Variants in AUTS2 observed in about 807,000 individuals in gnomAD.
AUTS2 encodes the protein activator of transcription and developmental regulator AUTS2.
Under a neutral mutation model 112.4 loss-of-function variants are expected in AUTS2, and 17 were observed. That is an observed-to-expected ratio of 0.15 (90% CI 0.10 to 0.23). AUTS2 has a LOEUF of 0.23. AUTS2 is among the 10% of genes least tolerant of loss of function. AUTS2 has a pLI of 1.00. For missense variants in AUTS2, 1,510 were observed against 1,701.6 expected (o/e 0.89, Z 1.98); for synonymous variants, 751 against 702.7 (o/e 1.07, Z -1.09).
chr7:70,524,322 C>T (rs998483281), intron 5 of AUTS2, among the ~76,000 whole-genome samples: 3 of 152,150 alleles, frequency 2.0e-5, no homozygotes, highest in South Asian at 4.1e-4. Flanking sequence ...GGTCATTATT[C>T]CATGTGAAGA....
intron 2 of AUTS2, among the ~76,000 whole-genome samples, chr7:70,062,036 C>T (rs1802273364): frequency 6.6e-6 from 1 of 151,974 alleles, no homozygotes; most frequent in Admixed American, 6.6e-5. Flanking sequence ...GATCCACCCA[C>T]CTCGGCCTCC....
chr7:69,825,504 A>G (rs868702472), intron 1 of AUTS2, among the ~76,000 whole-genome samples: 1 of 151,994 alleles, frequency 6.6e-6, no homozygotes, highest in African/African-American at 2.4e-5. Context: ...GTTGTCTTCC[A>G]TTGCAGTGCT....
chr7:70,240,886 T>C (rs1812574810), intron 4 of AUTS2, among the ~76,000 whole-genome samples: 2 of 152,228 alleles, frequency 1.3e-5, no homozygotes, highest in Admixed American at 1.3e-4. Flanking sequence ...AATCAAATCT[T>C]ATGCTTAGAA....
intron 5 of AUTS2, among the ~76,000 whole-genome samples, chr7:70,585,240 C>A (rs62455833): frequency 0.23 from 34,483 of 152,068 alleles, 4,235 homozygotes; most frequent in Middle Eastern, 0.34. Context: ...CCCTGCCCTG[C>A]TGTGGAAACA....
At chr7:70,556,659 G>T (rs1200713492) in intron 5 of AUTS2, among the ~76,000 whole-genome samples, 3 of 152,082 alleles carry the variant, frequency 2.0e-5, no homozygotes, top group Non-Finnish European at 4.4e-5. Context: ...TGAGACTTCT[G>T]TCCTTGGATC....
At chr7:70,360,476 C>A (rs778832733) in intron 4 of AUTS2, among the ~76,000 whole-genome samples, 1 of 152,080 alleles carries the variant, frequency 6.6e-6, no homozygotes, top group Non-Finnish European at 1.5e-5. Context: ...TGTTAGTCAG[C>A]TTTTTTCATT....
intron 1 of AUTS2, among the ~76,000 whole-genome samples, chr7:69,730,168 A>G (rs1786728123): frequency 6.6e-6 from 1 of 151,598 alleles, no homozygotes; most frequent in Admixed American, 6.6e-5. Context: ...GATATTTGTC[A>G]TGAGTATTTT....
intron 12 of AUTS2, chr7:70,774,511 C>T (rs1346305707): frequency 2.3e-5 from 4 of 172,732 alleles, no homozygotes; most frequent in Non-Finnish European, 4.9e-5. Context: ...CACATCCCCC[C>T]GCTTGCCTGG....
chr7:70,073,839 G>C (rs886460419), intron 2 of AUTS2, among the ~76,000 whole-genome samples: 1 of 152,144 alleles, frequency 6.6e-6, no homozygotes, highest in Non-Finnish European at 1.5e-5. Flanking sequence ...CCAATACTGG[G>C]GAAATATGTG....
At chr7:69,852,004 G>A (rs1478154880) in intron 1 of AUTS2, among the ~76,000 whole-genome samples, 1 of 152,102 alleles carries the variant, frequency 6.6e-6, no homozygotes, top group Non-Finnish European at 1.5e-5. Flanking sequence ...TGGAGCTTCA[G>A]TACTATGCTG....
At position 69,777,203 on chromosome 7, in the gene AUTS2, G is replaced by A. The variant is rs148496780; in HGVS notation, c.310-122083G>A. Among the ~76,000 whole-genome samples, 23 of 152,276 alleles carry A rather than the reference G, an allele frequency of 1.5e-4. No homozygotes were observed. The South Asian group carries it at 3.9e-3, about 26-fold the overall frequency. Reference sequence around the variant, plus strand: ...AAACTGGAGAAGGCTGCCAGTATGTGCACGTTTTAATAAATGGAGGATATC... The same window carrying A: ...AAACTGGAGAAGGCTGCCAGTATGTACACGTTTTAATAAATGGAGGATATC... On this transcript the variant is annotated intron_variant, in intron 1 of 18. Transcript: ENST00000342771.
intron 2 of AUTS2, among the ~76,000 whole-genome samples, chr7:70,087,504 G>C (rs1050871653): frequency 6.6e-6 from 1 of 151,410 alleles, no homozygotes; most frequent in Non-Finnish European, 1.5e-5. Flanking sequence ...TGAGTAGCTG[G>C]GATTACAGGT....
intron 2 of AUTS2, among the ~76,000 whole-genome samples, chr7:69,957,646 C>G (rs1327411624): frequency 1.3e-5 from 2 of 151,982 alleles, no homozygotes; most frequent in Admixed American, 6.6e-5. Context: ...GAGACCATTT[C>G]TATTCTGGAG....
intron 5 of AUTS2, among the ~76,000 whole-genome samples, chr7:70,608,386 TG>T (rs1412539358): frequency 5.9e-5 from 9 of 152,278 alleles, no homozygotes; most frequent in African/African-American, 1.9e-4. Flanking sequence ...ATTACAGGTG[TG>T]AGTCACTGCA....
chr7:69,933,831 A>G (rs1412033592), intron 2 of AUTS2, among the ~76,000 whole-genome samples: 2 of 152,122 alleles, frequency 1.3e-5, no homozygotes, highest in Non-Finnish European at 2.9e-5. Context: ...CTTGACTAGT[A>G]TAAGTGTCAT....
chr7:70,353,718 A>G (rs1791869702), intron 4 of AUTS2, among the ~76,000 whole-genome samples: 1 of 152,206 alleles, frequency 6.6e-6, no homozygotes, highest in Non-Finnish European at 1.5e-5. Flanking sequence ...CTGAGCACAC[A>G]CACATGGCCC....
At chr7:70,474,034 A>G (rs1797491125) in intron 5 of AUTS2, among the ~76,000 whole-genome samples, 2 of 151,978 alleles carry the variant, frequency 1.3e-5, no homozygotes, top group South Asian at 2.1e-4. Flanking sequence ...TTGCCCGTAG[A>G]CTCACCCTGG....
At chr7:70,665,117 C>T (rs889620510) in intron 5 of AUTS2, among the ~76,000 whole-genome samples, 1 of 152,122 alleles carries the variant, frequency 6.6e-6, no homozygotes, top group African/African-American at 2.4e-5. Context: ...AATTTTTGTC[C>T]TTCCAAACAA....
intron 6 of AUTS2, among the ~76,000 whole-genome samples, chr7:70,743,492 A>AT (rs1788248137): frequency 6.6e-6 from 1 of 151,222 alleles, no homozygotes; most frequent in African/African-American, 2.4e-5. Context: ...AAAAAAAAAA[A>AT]ACTAGTATGA....
Sources: gnomAD v4.1 joint callset for allele counts (sites outside exome capture counted in the v4.1 genomes callset) on GRCh38, gnomAD v4.1.1 for gene constraint, MANE v1.5 for transcripts, NCBI Gene and HGNC (gene_info 2026-07-23, HGNC 2026-07-21) for gene names.